The following GRIA4 variants were observed in gnomAD, a reference collection of about 807,000 sequenced individuals.
GRIA4 encodes glutamate ionotropic receptor AMPA type subunit 4, also known as glutamate receptor 4.
GRIA4 carries 34 observed loss-of-function variants against 104.0 expected under a neutral mutation model. The observed-to-expected ratio is 0.33, with a 90% CI of 0.25 to 0.44. The LOEUF (loss-of-function observed/expected upper bound fraction) is 0.44, where lower values mean the gene tolerates loss of function less well. GRIA4 is among the 20% of genes least tolerant of loss of function. The pLI is 1.00. For synonymous variants in GRIA4, 386 were observed against 381.9 expected (o/e 1.01, Z -0.13); for missense variants, 750 against 1,096.5 (o/e 0.68, Z 4.46).
rs557013163 is a variant in GRIA4 at position 105,659,455 on chromosome 11, T to C, written c.247+47021T>C. Among the ~76,000 whole-genome samples, 5 of 152,034 alleles carry C rather than the reference T, an allele frequency of 3.3e-5. No individual in the cohort carries two copies. In the South Asian group the frequency reaches 1.0e-3, roughly 31 times the overall value. ...AGAATACCTGGAATTGCCACAGTTA[T>C]TTGTGATTAGGGAACCAGCTTAATG... On this transcript the variant is annotated intron_variant, in intron 3 of 16. Coordinates refer to ENST00000282499, the MANE Select transcript of GRIA4 (RefSeq NM_000829.4).
rs770971162 is a variant in GRIA4 at position 105,700,489 on chromosome 11, C to G, written c.248-52492C>G. 7.5e-4 allele frequency among the ~76,000 whole-genome samples: 114 copies of G among 152,152 alleles called. 1 individual carries two copies. The highest frequency in any genetic ancestry group is 2.2e-4 in the Non-Finnish European group (15 of 68,014). On this transcript the variant is annotated intron_variant, in intron 3 of 16. Transcript: ENST00000282499. ...AAGCCTCACTGACAACAAAAGTGCT[C>G]AAATCCCATGTGACAACTAGGCAGA...
intron 3 of GRIA4, 162 bp downstream of exon 3, chr11:105,612,596 G>T: frequency 1.6e-5 from 8 of 493,410 alleles, no homozygotes; most frequent in South Asian, 1.4e-4. Flanking sequence ...TCGTTTCAGG[G>T]ATATTTAGTT....
intron 3 of GRIA4, among the ~76,000 whole-genome samples, chr11:105,670,501 C>T (rs1952325007): frequency 6.6e-6 from 1 of 152,082 alleles, no homozygotes; most frequent in Admixed American, 6.6e-5. Flanking sequence ...TATTTTAAGA[C>T]CAGTTCTACT....
intron 3 of GRIA4, among the ~76,000 whole-genome samples, chr11:105,691,551 A>G (rs1953084162): frequency 6.6e-6 from 1 of 152,204 alleles, no homozygotes; most frequent in Non-Finnish European, 1.5e-5. Context: ...GTAAAATAAG[A>G]TAACAATAGT....
intron 10 of GRIA4, among the ~76,000 whole-genome samples, chr11:105,913,674 T>C (rs1465213237): frequency 1.3e-5 from 2 of 152,028 alleles, no homozygotes; most frequent in African/African-American, 4.8e-5. Flanking sequence ...ATCTAACTAC[T>C]TTCTTGGCTA....
intron 4 of GRIA4, among the ~76,000 whole-genome samples, chr11:105,841,205 C>T (rs990340659): frequency 2.0e-5 from 3 of 151,294 alleles, no homozygotes; most frequent in African/African-American, 4.9e-5. Context: ...ACACCTGAAC[C>T]GAAGATAACG....
At chr11:105,965,193 T>C (rs1469076107) in intron 14 of GRIA4, among the ~76,000 whole-genome samples, 2 of 151,996 alleles carry the variant, frequency 1.3e-5, no homozygotes, top group African/African-American at 4.8e-5. Flanking sequence ...GGAAATCTAA[T>C]CTAGTGGGTT....
At chr11:105,913,380 T>C (rs948982584) in intron 10 of GRIA4, 44 of 477,752 alleles carry the variant, frequency 9.2e-5, no homozygotes, top group Non-Finnish European at 1.1e-4. Flanking sequence ...TTATTCTACC[T>C]GAATATAATC....
chr11:105,928,956 T>C (rs1947796014), intron 13 of GRIA4, among the ~76,000 whole-genome samples: 1 of 152,112 alleles, frequency 6.6e-6, no homozygotes, highest in Admixed American at 6.6e-5. Flanking sequence ...GCACCATTCC[T>C]TGTTTCCTTT....
At chr11:105,716,206 G>T (rs529869276) in intron 3 of GRIA4, among the ~76,000 whole-genome samples, 49 of 152,176 alleles carry the variant, frequency 3.2e-4, no homozygotes, top group African/African-American at 1.2e-3. Context: ...TGAATTGAAG[G>T]ATCCCAGATT....
At chr11:105,847,850 G>A (rs1265160206) in intron 4 of GRIA4, among the ~76,000 whole-genome samples, 1 of 152,126 alleles carries the variant, frequency 6.6e-6, no homozygotes, top group Non-Finnish European at 1.5e-5. Flanking sequence ...TCAAACCACC[G>A]AAAATCCCTG....
intron 4 of GRIA4, among the ~76,000 whole-genome samples, chr11:105,833,435 T>C (rs950164823): frequency 3.9e-5 from 6 of 151,986 alleles, no homozygotes; most frequent in South Asian, 2.1e-4. Context: ...GGAAGATCTA[T>C]AGATGATATA....
chr11:105,613,250 T>C (rs1303877413), intron 3 of GRIA4: 1 of 151,960 alleles, frequency 6.6e-6, no homozygotes, highest in African/African-American at 2.4e-5. Context: ...AAAAAAAAAA[T>C]ACAATCAACT....
chr11:105,758,320 T>G (rs1940429920), intron 4 of GRIA4, among the ~76,000 whole-genome samples: 1 of 152,134 alleles, frequency 6.6e-6, no homozygotes, highest in African/African-American at 2.4e-5. Flanking sequence ...TCAACCACGT[T>G]CAAGGACTAA....
At chr11:105,688,394 T>TA (rs891755011) in intron 3 of GRIA4, among the ~76,000 whole-genome samples, 10 of 151,726 alleles carry the variant, frequency 6.6e-5, no homozygotes, top group Non-Finnish European at 1.3e-4. Context: ...CCGTCTCTAC[T>TA]AAAAAATACA....
chr11:105,912,047 A>G, intron 10 of GRIA4: 1 of 1,150,424 alleles, frequency 8.7e-7, no homozygotes. Context: ...CAGAAAAAAA[A>G]AATTTTAAGT....
At chr11:105,762,647 A>G (rs10895874) in intron 4 of GRIA4, among the ~76,000 whole-genome samples, 20,738 of 152,064 alleles carry the variant, frequency 0.14, 1,557 homozygotes, top group Admixed American at 0.22. Context: ...ACCTGGTTTG[A>G]ATCATGGGGA....
chr11:105,619,187 T>G (rs2135265675), intron 3 of GRIA4, among the ~76,000 whole-genome samples: 1 of 152,082 alleles, frequency 6.6e-6, no homozygotes, highest in East Asian at 1.9e-4. Context: ...CCTCTGGAGT[T>G]TTGAGCCAGA....
At chr11:105,622,614 CAAA>C (rs1240827537) in intron 3 of GRIA4, among the ~76,000 whole-genome samples, 1 of 151,774 alleles carries the variant, frequency 6.6e-6, no homozygotes, top group Non-Finnish European at 1.5e-5. Context: ...CCTCTACCTC[CAAA>C]GTACATCACA....
Sources: allele counts gnomAD v4.1 joint callset (sites outside exome capture counted in the v4.1 genomes callset), GRCh38; gene constraint gnomAD v4.1.1; transcripts MANE v1.5; gene names NCBI Gene and HGNC (gene_info 2026-07-23, HGNC 2026-07-21).